The following PHF24 variants were observed in gnomAD, a reference collection of about 807,000 sequenced individuals.
PHF24 encodes the protein PHD finger protein 24.
PHF24 carries 25 observed loss-of-function variants against 42.6 expected under a neutral mutation model. That is an observed-to-expected ratio of 0.59 (90% CI 0.43 to 0.82). The LOEUF is 0.82. Among genes scored for constraint, PHF24 ranks in the 40% least tolerant of loss-of-function variants. The pLI is 0.00. For missense variants in PHF24, 470 were observed against 538.1 expected, an observed-to-expected ratio of 0.87 and a Z score of 1.25; for synonymous variants, 185 against 204.8, an observed-to-expected ratio of 0.90 and a Z score of 0.83.
At chr9:34,761,843 C>A in the PHF24 span, among the ~76,000 whole-genome samples, 9 of 152,094 alleles carry the variant, frequency 5.9e-5, no homozygotes, top group Non-Finnish European at 1.3e-4. Flanking sequence ...CTATCCCTCC[C>A]CACTCCCCCT....
At chr9:34,787,289 C>T in the PHF24 span, among the ~76,000 whole-genome samples, 1 of 151,828 alleles carries the variant, frequency 6.6e-6, no homozygotes, top group South Asian at 2.1e-4. Flanking sequence ...CCTAGTTGAC[C>T]TTGTTGGCAT....
chr9:34,850,186 C>T, the PHF24 span, among the ~76,000 whole-genome samples: 10 of 152,272 alleles, frequency 6.6e-5, no homozygotes, highest in South Asian at 4.1e-4. Context: ...GGATAATATC[C>T]TGCAGAGTGT....
chr9:34,836,452 C>T, the PHF24 span, among the ~76,000 whole-genome samples: 3 of 152,112 alleles, frequency 2.0e-5, no homozygotes, highest in African/African-American at 4.8e-5. Flanking sequence ...CTAAGAAACC[C>T]GAAGTCTAGT....
the PHF24 span, among the ~76,000 whole-genome samples, chr9:34,745,334 A>T: frequency 6.6e-6 from 1 of 152,180 alleles, no homozygotes; most frequent in Non-Finnish European, 1.5e-5. Flanking sequence ...TGGGCTACTC[A>T]ATTTTCCATC....
At chr9:34,765,411 T>C in the PHF24 span, among the ~76,000 whole-genome samples, 1 of 150,602 alleles carries the variant, frequency 6.6e-6, no homozygotes, top group Non-Finnish European at 1.5e-5. Context: ...ATATTTAGGA[T>C]AGTTAGCTCT....
exon 5 of PHF24, chr9:34,976,594 G>A (rs1294384380): frequency 1.2e-6 from 2 of 1,614,206 alleles, no homozygotes; most frequent in African/African-American, 1.3e-5. Flanking sequence ...CAAGCGGGGG[G>A]ACCGTGACAG....
the PHF24 span, among the ~76,000 whole-genome samples, chr9:34,757,211 T>A: frequency 6.6e-6 from 1 of 152,090 alleles, no homozygotes; most frequent in Non-Finnish European, 1.5e-5. Flanking sequence ...CCCCTCAGTG[T>A]TTTTCATAGA....
the PHF24 span, among the ~76,000 whole-genome samples, chr9:34,694,309 A>G: frequency 6.6e-6 from 1 of 151,324 alleles, no homozygotes; most frequent in Non-Finnish European, 1.5e-5. Flanking sequence ...AGCTGGGATT[A>G]GAGGCACGCA....
chr9:34,724,804 C>G, the PHF24 span: 23 of 1,551,300 alleles, frequency 1.5e-5, no homozygotes, highest in Admixed American at 3.9e-5. Flanking sequence ...TAGGCTCCAT[C>G]TCTGTGATGA....
At chr9:34,827,367 C>A in the PHF24 span, among the ~76,000 whole-genome samples, 1 of 152,316 alleles carries the variant, frequency 6.6e-6, no homozygotes, top group Non-Finnish European at 1.5e-5. Context: ...GTTCAGCAGG[C>A]CTGAACCTTG....
the PHF24 span, among the ~76,000 whole-genome samples, chr9:34,770,526 C>A: frequency 3.5e-3 from 533 of 152,240 alleles, 7 homozygotes; most frequent in Middle Eastern, 0.037. Flanking sequence ...GATAATTATT[C>A]TCACATTTAA....
chr9:34,745,591 GA>G, the PHF24 span, among the ~76,000 whole-genome samples: 97 of 151,488 alleles, frequency 6.4e-4, no homozygotes, highest in African/African-American at 2.2e-3. Flanking sequence ...GTGTCCATGA[GA>G]AAAAAGACCA....
chr9:34,853,024 A>G, the PHF24 span, among the ~76,000 whole-genome samples: 1 of 152,140 alleles, frequency 6.6e-6, no homozygotes, highest in Non-Finnish European at 1.5e-5. Context: ...GAGAGAGGGC[A>G]TCCTTGTCTT....
At chr9:34,706,646 G>A in the PHF24 span, among the ~76,000 whole-genome samples, 1 of 152,224 alleles carries the variant, frequency 6.6e-6, no homozygotes, top group Non-Finnish European at 1.5e-5. Flanking sequence ...CTTACTCAGA[G>A]CAGGGCTTGA....
the PHF24 span, among the ~76,000 whole-genome samples, chr9:34,923,993 G>T: frequency 6.6e-6 from 1 of 151,638 alleles, no homozygotes; most frequent in Non-Finnish European, 1.5e-5. Flanking sequence ...ATAGATTTTG[G>T]TATGTTGTTT....
chr9:34,688,128 G>C, the PHF24 span, among the ~76,000 whole-genome samples: 2 of 152,176 alleles, frequency 1.3e-5, no homozygotes, highest in African/African-American at 4.8e-5. Flanking sequence ...TCTCAGTGAG[G>C]AGGGGCTTTC....
chr9:34,870,740 C>T, the PHF24 span, among the ~76,000 whole-genome samples: 1 of 152,108 alleles, frequency 6.6e-6, no homozygotes, highest in Admixed American at 6.6e-5. Flanking sequence ...ATGGCAAAGA[C>T]ATGGAATCAA....
At chr9:34,877,729 G>A in the PHF24 span, among the ~76,000 whole-genome samples, 3 of 152,040 alleles carry the variant, frequency 2.0e-5, no homozygotes, top group Non-Finnish European at 4.4e-5. Flanking sequence ...GAACACAGGG[G>A]ATTTTTTTTT....
chr9:34,879,276 G>GA, the PHF24 span, among the ~76,000 whole-genome samples: 39,031 of 152,000 alleles, frequency 0.26, 5,317 homozygotes, highest in African/African-American at 0.34. Context: ...CAGAAAAGCT[G>GA]AAATTCTAAA....
Sources: allele counts gnomAD v4.1 joint callset (sites outside exome capture counted in the v4.1 genomes callset), GRCh38; gene constraint gnomAD v4.1.1; transcripts MANE v1.5; gene names NCBI Gene and HGNC (gene_info 2026-07-23, HGNC 2026-07-21).